CAMTA2: variants seen among roughly 807,000 people sequenced by gnomAD.
The protein encoded by CAMTA2 is calmodulin-binding transcription activator 2.
Under a neutral mutation model 135.7 loss-of-function variants are expected in CAMTA2, and 56 were observed. The ratio of observed to expected loss-of-function variants is 0.41; its 90% confidence interval spans 0.33 to 0.52. The LOEUF (loss-of-function observed/expected upper bound fraction) is 0.52, where lower values mean the gene tolerates loss of function less well. Among genes scored for constraint, CAMTA2 ranks in the 20% least tolerant of loss-of-function variants. The pLI is 0.16. For missense variants in CAMTA2, 1,358 were observed against 1,553.4 expected (o/e 0.87, Z 2.11); for synonymous variants, 591 against 604.6 (o/e 0.98, Z 0.33).
Position 4,968,594 on chromosome 17 carries a change from G to A in CAMTA2, c.*162C>T. The A allele has an allele frequency of 5.6e-6, 4 of 716,684 alleles. No homozygotes were observed. The highest frequency in any genetic ancestry group is 4.9e-5 in the South Asian group (3 of 60,652). The allele number at this position is 716,684 out of a possible 1,614,324, so 44.4% of individuals were successfully genotyped here. On this transcript the variant is annotated 3_prime_UTR_variant, in exon 23 of 23. Transcript: ENST00000348066. ...ACGACCAGGAGGGACGAGGAGAGGG[G>A]TGTGGGAGCAAGGCGTGGGGAGGAG...
rs1309447384 is a variant in CAMTA2 at position 4,987,624 on chromosome 17, G to A, written c.-96C>T. ...GGGTCCCGCGGGTGACGGCGGCAGC[G>A]GCCATTCTACCCCACACCGACCCCC... is the stretch of plus-strand genomic sequence containing the variant. On this transcript the variant is annotated 5_prime_UTR_variant, in exon 1 of 23. Coordinates refer to ENST00000348066, the MANE Select transcript of CAMTA2 (RefSeq NM_015099.4). 1.2e-5 allele frequency: 18 copies of A among 1,527,690 alleles called. No individual in the cohort carries two copies. The highest frequency in any genetic ancestry group is 2.0e-5 in the Admixed American group (1 of 50,294). The allele number at this position is 1,527,690 out of a possible 1,614,324, so 94.6% of individuals were successfully genotyped here.
intron 17 of CAMTA2, 76 bp downstream of exon 17, chr17:4,970,264 C>T (rs1265205725): frequency 5.2e-6 from 8 of 1,547,044 alleles, no homozygotes; most frequent in Non-Finnish European, 7.1e-6. Flanking sequence ...GGAGCTTTGG[C>T]TGTGGGAAAG....
At position 4,980,743 on chromosome 17, in the gene CAMTA2, T is replaced by C. The variant is rs1166612122; in HGVS notation, c.701-122A>G. On this transcript the variant is annotated intron_variant, in intron 8 of 22. Transcript: ENST00000348066. This position sits in a 1 kb window ranked among gnomAD's most constrained non-coding sequence, Gnocchi z 5.3. Reference sequence around the variant, plus strand: ...TATAAACCAGAGGTGTAATACTGATTGTAGCCACTGGGAGGCATCAGAAAT... The same window carrying C: ...TATAAACCAGAGGTGTAATACTGATCGTAGCCACTGGGAGGCATCAGAAAT... 3 of 729,450 alleles carry C rather than the reference T, an allele frequency of 4.1e-6. No homozygotes were observed. The highest frequency in any genetic ancestry group is 7.1e-6 in the Non-Finnish European group (3 of 420,834). 45.2% of individuals were successfully genotyped at this position (729,450 alleles called of 1,614,324 possible).
chr17:4,978,712 G>T, intron 9 of CAMTA2, 82 bp from the exon 10 acceptor site: 5 of 1,497,520 alleles, frequency 3.3e-6, no homozygotes, highest in Non-Finnish European at 4.6e-6. Context: ...CCCTTACAGG[G>T]TATCTACTAT....
Position 4,986,238 on chromosome 17 carries a change from G to A in CAMTA2, c.-16C>T, listed in dbSNP as rs1268659229. 6.2e-7 allele frequency: 1 copy of A among 1,608,484 alleles called. No homozygotes were observed. The highest frequency in any genetic ancestry group is 8.5e-7 in the Non-Finnish European group (1 of 1,175,018). On this transcript the variant is annotated 5_prime_UTR_variant, in exon 2 of 23. Transcript: ENST00000348066. ...TGGTATTCATGGTGAGGGCTCCAGG[G>A]GGCAAGGTCACCCCCGGCCTGAGGG...
rs1443216977 is a variant in CAMTA2 at position 4,980,580 on chromosome 17, G to A, written c.742C>T (p.Arg248Cys). The change falls in exon 9 of 23, where the codon CGC becomes TGC. Residue 248 changes from arginine (R) to cysteine (C), a missense_variant. Arg to Cys is a radical substitution (Grantham distance 180). Coordinates refer to ENST00000348066, the MANE Select transcript of CAMTA2 (RefSeq NM_015099.4). The surrounding 1 kb of genome is among the most constrained non-coding windows in gnomAD (Gnocchi z 5.3). ...LTHKCSSTKH[R>C]IISPKVEPRA... ...GGCTCCACTTTGGGAGAGATGATGC[G>A]GTGTTTCGTGCTGCTGCATTTGTGG... The A allele has an allele frequency of 6.2e-6, 10 of 1,613,846 alleles. No individual in the cohort carries two copies. Among genetic ancestry groups the A allele is most frequent in the African/African-American group, 1.3e-5 (1 of 74,838 alleles).
chr17:4,974,066 T>C (rs1972468055), intron 12 of CAMTA2: 2 of 531,308 alleles, frequency 3.8e-6, no homozygotes, highest in Admixed American at 3.4e-5. Context: ...TCTCTGAGCC[T>C]TAGCCCTCTT....
In CAMTA2 at chr17:4,986,214, G is replaced by A. The variant is rs766368908; in HGVS notation, c.9C>T (p.Thr3=). The change falls in exon 2 of 23, where the codon ACC becomes ACT. Residue 3 remains threonine, a synonymous_variant. Coordinates refer to ENST00000348066, the MANE Select transcript of CAMTA2 (RefSeq NM_015099.4). ...TACCAGCAACCTCGGTGGTGTCCTT[G>A]GTATTCATGGTGAGGGCTCCAGGGG... is the stretch of plus-strand genomic sequence containing the variant. MN[T]KDTTEVAENS... 1.2e-6 allele frequency: 2 copies of A among 1,606,414 alleles called. No homozygotes were observed. The highest frequency in any genetic ancestry group is 1.7e-5 in the Admixed American group (1 of 59,978).
intron 8 of CAMTA2, 136 bp downstream of exon 8, chr17:4,981,089 C>T: frequency 2.7e-6 from 3 of 1,112,722 alleles, no homozygotes; most frequent in South Asian, 2.9e-5. Flanking sequence ...GTCTGTTCAT[C>T]TGGCCCATCT....
rs377625435 is a variant in CAMTA2, at chr17:4,968,745, C to A, written c.*11G>T. 1.2e-6 allele frequency: 2 copies of A among 1,613,934 alleles called. No individual in the cohort carries two copies. Among genetic ancestry groups the A allele is most frequent in the Non-Finnish European group, 1.7e-6 (2 of 1,179,978 alleles). ...GGCGCCCCCAGGGTGGTGAGAAAGG[C>A]GGTGGCCAGGTCATGTGGCCAGTCC... On this transcript the variant is annotated 3_prime_UTR_variant, in exon 23 of 23. Coordinates refer to ENST00000348066, the MANE Select transcript of CAMTA2 (RefSeq NM_015099.4).
chr17:4,977,668 C>G (rs146432774), intron 10 of CAMTA2, among the ~76,000 whole-genome samples: 1 of 152,210 alleles, frequency 6.6e-6, no homozygotes, highest in East Asian at 1.9e-4. Flanking sequence ...TCCCCAGATT[C>G]TCTGGTCTCA....
intron 10 of CAMTA2, among the ~76,000 whole-genome samples, chr17:4,978,099 C>T (rs1239092329): frequency 6.6e-6 from 1 of 152,246 alleles, no homozygotes; most frequent in Non-Finnish European, 1.5e-5. Flanking sequence ...AGTCCCAAGA[C>T]TGGTTAGAGG....
intron 13 of CAMTA2, 79 bp from the exon 14 acceptor site, chr17:4,973,332 C>T (rs912136247): frequency 2.7e-5 from 32 of 1,195,568 alleles, no homozygotes; most frequent in Middle Eastern, 1.9e-4. Context: ...AGTAAAGGCA[C>T]TAGGAGGCAA....
Position 4,970,545 on chromosome 17 carries a change from A to C in CAMTA2, c.2809-9T>G. 6.2e-7 allele frequency: 1 copy of C among 1,605,726 alleles called. No homozygotes were observed. The highest frequency in any genetic ancestry group is 1.7e-4 in the Middle Eastern group (1 of 6,054). On this transcript the variant is annotated splice_polypyrimidine_tract_variant and intron_variant, in intron 16 of 22. Transcript: ENST00000348066. Reference sequence around the variant, plus strand: ...AGTGAGATCATGTCCACCTGGAAGAAGGGAGAAGCTGAGTGAGTCCTTAGG... The same window carrying C: ...AGTGAGATCATGTCCACCTGGAAGACGGGAGAAGCTGAGTGAGTCCTTAGG...
Position 4,980,424 on chromosome 17 carries a change from C to A in CAMTA2, c.898G>T (p.Gly300Cys). The change falls in exon 9 of 23, where the codon GGT (glycine) becomes TGT (cysteine). Residue 300 changes from glycine to cysteine, a missense_variant. Gly to Cys is a radical substitution (Grantham distance 159). Around this residue, in one of 4 missense-constraint regions of CAMTA2, gnomAD observed 1,077 missense variants for 1,127.5 expected, o/e 0.96. Coordinates refer to ENST00000348066, the MANE Select transcript of CAMTA2 (RefSeq NM_015099.4). The surrounding 1 kb of genome is among the most constrained non-coding windows in gnomAD (Gnocchi z 5.3). ...PSSSSSSSSS[G>C]FAEPLEIRPS... ...CTGATTTCTAGGGGCTCTGCAAAAC[C>A]TGATGAGGAGGAAGAAGAGGAAGAA... 6.2e-7 allele frequency: 1 copy of A among 1,612,262 alleles called. No individual in the cohort carries two copies. Among genetic ancestry groups the A allele is most frequent in the South Asian group, 1.1e-5 (1 of 91,054 alleles).
intron 3 of CAMTA2, among the ~76,000 whole-genome samples, chr17:4,983,928 G>A (rs1188846086): frequency 1.3e-5 from 2 of 151,348 alleles, no homozygotes; most frequent in Non-Finnish European, 1.5e-5. Context: ...GTTTGACACT[G>A]CCAGGAATTT....
At chr17:4,972,109 C>T in intron 16 of CAMTA2, 123 bp downstream of exon 16, 1 of 821,994 alleles carries the variant, frequency 1.2e-6, no homozygotes, top group South Asian at 1.7e-5. Context: ...CTTGCCTGTC[C>T]CAAAATGAAG....
At position 4,986,264 on chromosome 17, in the gene CAMTA2, G is replaced by A. The variant is rs1023395706; in HGVS notation, c.-42C>T. The A allele has an allele frequency of 6.6e-7, 1 of 1,520,582 alleles. No individual in the cohort carries two copies. Among genetic ancestry groups the A allele is most frequent in the African/African-American group, 1.4e-5 (1 of 72,282 alleles). 94.2% of individuals were successfully genotyped at this position (1,520,582 alleles called of 1,614,324 possible). On this transcript the variant is annotated 5_prime_UTR_variant, in exon 2 of 23. Transcript: ENST00000348066. ...GGCAAGGTCACCCCCGGCCTGAGGG[G>A]CCGGGGGGAGGGGGAGTCTGTGCTG...
Position 4,969,919 on chromosome 17 carries a change from C to T in CAMTA2, c.3172G>A (p.Ala1058Thr), listed in dbSNP as rs1416440307. ...LYEAARVIQTAFRKYKGRRLK... is the reference protein window; with the variant it reads ...LYEAARVIQTTFRKYKGRRLK... ...CCCCTGACCTTGTACTTTCGGAAGGCCGTCTGGATGACTCGGGCAGCCTCA... is the reference window on the plus strand; with the variant it reads ...CCCCTGACCTTGTACTTTCGGAAGGTCGTCTGGATGACTCGGGCAGCCTCA... The change falls in exon 18 of 23, where the codon GCC becomes ACC. Residue 1058 changes from alanine to threonine, a missense_variant. Ala to Thr is a moderately conservative substitution (Grantham distance 58, BLOSUM62 0). Transcript: ENST00000348066. The surrounding 1 kb of genome is among the most constrained non-coding windows in gnomAD (Gnocchi z 5.6). 5 of 1,614,158 alleles carry T rather than the reference C, an allele frequency of 3.1e-6. No homozygotes were observed. The highest frequency in any genetic ancestry group is 4.2e-6 in the Non-Finnish European group (5 of 1,180,014).
Sources: allele counts gnomAD v4.1 joint callset (sites outside exome capture counted in the v4.1 genomes callset), GRCh38; gene constraint gnomAD v4.1.1; regional missense constraint gnomAD v4.1.1; non-coding constraint Gnocchi (gnomAD v3.1); transcripts MANE v1.5; gene names NCBI Gene and HGNC (gene_info 2026-07-23, HGNC 2026-07-21).